FUBP3: variants seen among roughly 807,000 people sequenced by gnomAD.
FUBP3 encodes far upstream element-binding protein 3.
Under a neutral mutation model 85.6 loss-of-function variants are expected in FUBP3, and 28 were observed. The ratio of observed to expected loss-of-function variants is 0.33; its 90% CI spans 0.24 to 0.45. The LOEUF is 0.45. Among genes scored for constraint, FUBP3 ranks in the 20% least tolerant of loss-of-function variants. The pLI, the probability that FUBP3 is intolerant of heterozygous loss-of-function variation, is 1.00. For missense variants in FUBP3, 583 were observed against 755.1 expected (o/e 0.77, Z 2.67); for synonymous variants, 271 against 271.4 (o/e 1.00, Z 0.01).
At chr9:130,594,630 G>A (rs557461564) in intron 1 of FUBP3, among the ~76,000 whole-genome samples, 3 of 151,822 alleles carry the variant, frequency 2.0e-5, no homozygotes, top group Non-Finnish European at 4.4e-5. Context: ...GTGGTGGTGC[G>A]TACTTGTAGT....
At chr9:130,634,980 C>G (rs1227397721) in intron 17 of FUBP3, among the ~76,000 whole-genome samples, 1 of 152,186 alleles carries the variant, frequency 6.6e-6, no homozygotes, top group Non-Finnish European at 1.5e-5. Flanking sequence ...CTTTATTCTC[C>G]CCGTGCTGGG....
chr9:130,614,717 G>A (rs1343345818), intron 6 of FUBP3, among the ~76,000 whole-genome samples: 2 of 152,142 alleles, frequency 1.3e-5, no homozygotes, highest in Admixed American at 6.5e-5. Flanking sequence ...TGAGAATCCT[G>A]GTACCAGGAC....
intron 11 of FUBP3, among the ~76,000 whole-genome samples, chr9:130,625,950 C>T (rs1394765687): frequency 6.6e-6 from 1 of 152,128 alleles, no homozygotes; most frequent in Admixed American, 6.5e-5. Context: ...GCAGGCTGTG[C>T]ATATCTGACT....
At chr9:130,633,062 C>T (rs1399056586) in intron 16 of FUBP3, among the ~76,000 whole-genome samples, 3 of 152,270 alleles carry the variant, frequency 2.0e-5, no homozygotes, top group Non-Finnish European at 4.4e-5. Flanking sequence ...CCTGAGCCCC[C>T]TTTCTGGGGT....
intron 12 of FUBP3, among the ~76,000 whole-genome samples, chr9:130,628,613 G>A (rs1045870103): frequency 6.6e-6 from 1 of 152,144 alleles, no homozygotes; most frequent in Non-Finnish European, 1.5e-5. Flanking sequence ...CCGGGGCCTC[G>A]GCTGTCTGGG....
intron 15 of FUBP3, 49 bp downstream of exon 15, chr9:130,632,071 T>A: frequency 6.6e-7 from 1 of 1,504,424 alleles, no homozygotes; most frequent in Non-Finnish European, 9.3e-7. Context: ...ACTAAGGTGG[T>A]CACTTGGCTA....
chr9:130,629,012 A>C (rs1191331352), intron 12 of FUBP3, among the ~76,000 whole-genome samples: 1 of 151,804 alleles, frequency 6.6e-6, no homozygotes, highest in Non-Finnish European at 1.5e-5. Context: ...CAGGTGATCC[A>C]CTCGCCTTGG....
chr9:130,580,944 C>T (rs1251537501), intron 1 of FUBP3: 1 of 152,312 alleles, frequency 6.6e-6, no homozygotes, highest in African/African-American at 2.4e-5. Flanking sequence ...TCAGATCCAC[C>T]CATGGCTGTA....
chr9:130,629,239 C>T (rs1441624957), intron 12 of FUBP3, among the ~76,000 whole-genome samples: 2 of 152,186 alleles, frequency 1.3e-5, no homozygotes, highest in African/African-American at 4.8e-5. Flanking sequence ...GGCCCGGTGT[C>T]CCCAGACAGG....
At chr9:130,632,916 C>T (rs1241352078) in intron 16 of FUBP3, among the ~76,000 whole-genome samples, 1 of 152,250 alleles carries the variant, frequency 6.6e-6, no homozygotes, top group Non-Finnish European at 1.5e-5. Flanking sequence ...CAAAGCAGAA[C>T]CCTTACCTTA....
In FUBP3 at chr9:130,579,654, G is replaced by T. The variant is rs776289594; in HGVS notation, c.-27G>T. 7.9e-5 allele frequency: 96 copies of T among 1,213,294 alleles called. No individual in the cohort carries two copies. The highest frequency in any genetic ancestry group is 4.7e-4 in the Admixed American group (11 of 23,548). The allele number at this position is 1,213,294 out of a possible 1,614,324, so 75.2% of individuals were successfully genotyped here. Reference sequence around the variant, plus strand: ...AGCGGCGGCGTCGGCGGCGTCGGCGGCGGCGGCGACGGCGGCGGGGGCGGT... The same window carrying T: ...AGCGGCGGCGTCGGCGGCGTCGGCGTCGGCGGCGACGGCGGCGGGGGCGGT... On this transcript the variant is annotated 5_prime_UTR_variant, in exon 1 of 19. Transcript: ENST00000319725.
At chr9:130,582,380 G>A (rs1830165025) in intron 1 of FUBP3, among the ~76,000 whole-genome samples, 1 of 151,754 alleles carries the variant, frequency 6.6e-6, no homozygotes, top group African/African-American at 2.4e-5. Context: ...TGAGCATGGA[G>A]ATCAAGGCTG....
intron 2 of FUBP3, among the ~76,000 whole-genome samples, chr9:130,598,074 C>T (rs1010531370): frequency 6.6e-6 from 1 of 152,102 alleles, no homozygotes; most frequent in Admixed American, 6.5e-5. Context: ...TAAATGAACC[C>T]GAGGTTTTAA....
intron 2 of FUBP3, among the ~76,000 whole-genome samples, chr9:130,604,466 G>A (rs1256999002): frequency 1.3e-5 from 2 of 152,176 alleles, no homozygotes; most frequent in Non-Finnish European, 1.5e-5. Context: ...TCCCAGCTTT[G>A]CTAGTCATTA....
At position 130,631,590 on chromosome 9, in the gene FUBP3, C is replaced by G. The variant is rs1405857362; in HGVS notation, c.1312C>G (p.Gln438Glu). ...TNLGAPGAFG[Q>E]SPFSQPPAPP... Reference sequence around the variant, plus strand: ...TCTCGGAGCACCTGGAGCCTTCGGACAGAGTCCATTCAGCCAGCCACCTGC... The same window carrying G: ...TCTCGGAGCACCTGGAGCCTTCGGAGAGAGTCCATTCAGCCAGCCACCTGC... Residue 438 changes from glutamine (Q) to glutamate (E), a missense_variant, in exon 14 of 19, where the codon CAG (glutamine) becomes GAG (glutamate). By Grantham distance (29) the Gln-to-Glu change is conservative. Coordinates refer to ENST00000319725, the MANE Select transcript of FUBP3 (RefSeq NM_003934.2). 1 of 1,613,884 alleles carries G rather than the reference C, an allele frequency of 6.2e-7. No homozygotes were observed. Among genetic ancestry groups the G allele is most frequent in the African/African-American group, 1.3e-5 (1 of 74,944 alleles).
intron 7 of FUBP3, among the ~76,000 whole-genome samples, chr9:130,617,025 T>C (rs1287435576): frequency 2.6e-5 from 4 of 152,228 alleles, no homozygotes; most frequent in Non-Finnish European, 5.9e-5. Flanking sequence ...GAGTGAATGT[T>C]CCATGAGCAT....
chr9:130,587,490 A>C (rs1230270097), intron 1 of FUBP3, among the ~76,000 whole-genome samples: 1 of 152,174 alleles, frequency 6.6e-6, no homozygotes. Flanking sequence ...GTATTTCAGC[A>C]TAGAGCCTCA....
At chr9:130,589,705 ATT>A (rs779633795) in intron 1 of FUBP3, among the ~76,000 whole-genome samples, 1,902 of 73,084 alleles carry the variant, frequency 0.026, 48 homozygotes, top group Middle Eastern at 0.038. Flanking sequence ...ATATATATAT[ATT>A]TTTTTTTTTT....
chr9:130,625,601 G>A (rs73549925), intron 11 of FUBP3, among the ~76,000 whole-genome samples: 9,083 of 152,292 alleles, frequency 0.06, 356 homozygotes, highest in South Asian at 0.074. Context: ...AAATGACTCC[G>A]CGGACAGCGG....
Sources: gnomAD v4.1 joint callset for allele counts (sites outside exome capture counted in the v4.1 genomes callset) on GRCh38, gnomAD v4.1.1 for gene constraint, MANE v1.5 for transcripts, NCBI Gene and HGNC (gene_info 2026-07-23, HGNC 2026-07-21) for gene names.